Variants in TRHDE observed in about 807,000 individuals in gnomAD.
TRHDE encodes thyrotropin-releasing hormone-degrading ectoenzyme.
A neutral mutation model predicts 125.7 loss-of-function variants in TRHDE; 72 were observed. That is an observed-to-expected ratio of 0.57 (90% CI 0.47 to 0.70). The LOEUF (loss-of-function observed/expected upper bound fraction) is 0.70, where lower values mean the gene tolerates loss of function less well. TRHDE is among the 30% of genes least tolerant of loss of function. The pLI, the probability that TRHDE is intolerant of heterozygous loss-of-function variation, is 0.00. For missense variants in TRHDE, 1,110 were observed against 1,327.1 expected, an observed-to-expected ratio of 0.84 and a Z score of 2.54; for synonymous variants, 509 against 509.1, an observed-to-expected ratio of 1.00 and a Z score of 0.00.
At chr12:72,660,799 C>T (rs1441635893) in intron 18 of TRHDE, among the ~76,000 whole-genome samples, 1 of 152,086 alleles carries the variant, frequency 6.6e-6, no homozygotes, top group Admixed American at 6.6e-5. Flanking sequence ...GGTAGTTCTT[C>T]GCCCACAAAT....
At chr12:72,585,864 T>C (rs1002593452) in intron 12 of TRHDE, among the ~76,000 whole-genome samples, 16 of 152,352 alleles carry the variant, frequency 1.1e-4, no homozygotes, top group Admixed American at 9.1e-4. Flanking sequence ...ATTCTTATTA[T>C]GATTAGTTAA....
intron 2 of TRHDE, among the ~76,000 whole-genome samples, chr12:72,340,154 T>C (rs1870015743): frequency 6.6e-6 from 1 of 152,168 alleles, no homozygotes; most frequent in South Asian, 2.1e-4. Flanking sequence ...GTTGCATAAC[T>C]CACCTGGGAG....
chr12:72,311,074 T>G (rs888127715), intron 2 of TRHDE, among the ~76,000 whole-genome samples: 1 of 152,186 alleles, frequency 6.6e-6, no homozygotes, highest in Non-Finnish European at 1.5e-5. Context: ...CTAAGGATTT[T>G]GACAAATGCA....
chr12:72,395,796 C>T (rs191757937), intron 3 of TRHDE, among the ~76,000 whole-genome samples: 146 of 152,294 alleles, frequency 9.6e-4, no homozygotes, highest in African/African-American at 3.1e-3. Flanking sequence ...AATCATTCTA[C>T]ATTTCTGTAA....
intron 2 of TRHDE, among the ~76,000 whole-genome samples, chr12:72,152,055 A>G (rs1283731967): frequency 4.6e-5 from 7 of 151,810 alleles, no homozygotes; most frequent in African/African-American, 9.7e-5. Context: ...ATTTGTTTGT[A>G]TCCTCTTTTA....
intron 2 of TRHDE, among the ~76,000 whole-genome samples, chr12:72,187,089 C>G (rs1334903849): frequency 6.6e-6 from 1 of 152,066 alleles, no homozygotes; most frequent in Non-Finnish European, 1.5e-5. Context: ...AGAATTTTGA[C>G]ATTCAGTACA....
intron 5 of TRHDE, among the ~76,000 whole-genome samples, chr12:72,477,277 C>A (rs149575425): frequency 6.6e-6 from 1 of 152,070 alleles, no homozygotes; most frequent in African/African-American, 2.4e-5. Context: ...CATTTCCAAC[C>A]CTAGTAATCC....
At chr12:72,146,305 T>A (rs1358890845) in intron 2 of TRHDE, among the ~76,000 whole-genome samples, 2 of 152,206 alleles carry the variant, frequency 1.3e-5, no homozygotes, top group Non-Finnish European at 2.9e-5. Flanking sequence ...TTGCAGAAAC[T>A]CTCTTCTCTA....
intron 12 of TRHDE, among the ~76,000 whole-genome samples, chr12:72,603,323 GGGTGTGTGTGGTGTGTGTT>G (rs1366920925): frequency 6.6e-6 from 1 of 152,008 alleles, no homozygotes; most frequent in Non-Finnish European, 1.5e-5. Flanking sequence ...GTGTGTTGGC[GGGTGTGTGTGGTGTGTGTT>G]GGTGTGCTCG....
intron 12 of TRHDE, among the ~76,000 whole-genome samples, chr12:72,593,683 C>G (rs1052246801): frequency 1.3e-5 from 2 of 151,870 alleles, no homozygotes; most frequent in Non-Finnish European, 2.9e-5. Context: ...ACCCTGCTGA[C>G]AGGCCCTGTG....
At chr12:72,296,290 A>G (rs1260076611) in intron 2 of TRHDE, among the ~76,000 whole-genome samples, 1 of 152,246 alleles carries the variant, frequency 6.6e-6, no homozygotes, top group East Asian at 1.9e-4. Flanking sequence ...TGAAATAAAA[A>G]TAGAAAATGT....
chr12:72,342,328 A>G (rs981786186), intron 2 of TRHDE, among the ~76,000 whole-genome samples: 7 of 152,146 alleles, frequency 4.6e-5, no homozygotes, highest in African/African-American at 1.7e-4. Context: ...GTTCTCGTCT[A>G]ATCATTTCTT....
At chr12:72,195,211 A>C (rs552442337) in intron 2 of TRHDE, among the ~76,000 whole-genome samples, 1 of 152,240 alleles carries the variant, frequency 6.6e-6, no homozygotes, top group East Asian at 1.9e-4. Context: ...CCATCCCACG[A>C]CACGCGGGGA....
chr12:72,306,078 C>A (rs965306488), intron 2 of TRHDE, among the ~76,000 whole-genome samples: 1 of 152,210 alleles, frequency 6.6e-6, no homozygotes, highest in Non-Finnish European at 1.5e-5. Context: ...CTTTTCCCCT[C>A]TGCTGCCTTA....
At position 72,529,171 on chromosome 12, in the gene TRHDE, A is replaced by T. The variant is rs533867803; in HGVS notation, c.1723-13120A>T. The stretch of plus-strand genomic sequence containing the variant: ...TTAAGCCAAGAAGAGTAAGAAATTT[A>T]TATAAAATATGACTGAACTAAATGA... On this transcript the variant is annotated intron_variant, in intron 6 of 18. Coordinates refer to ENST00000261180, the MANE Select transcript of TRHDE (RefSeq NM_013381.3). 2.0e-5 allele frequency among the ~76,000 whole-genome samples: 3 copies of T among 152,290 alleles called. No homozygotes were observed. In the East Asian group the frequency reaches 5.8e-4, roughly 29 times the overall value.
intron 2 of TRHDE, among the ~76,000 whole-genome samples, chr12:72,312,434 A>G (rs944415568): frequency 1.3e-5 from 2 of 152,224 alleles, no homozygotes; most frequent in African/African-American, 4.8e-5. Context: ...CATTTCCTGT[A>G]AAGTAATGAC....
chr12:72,385,988 C>T (rs943513537), intron 3 of TRHDE, among the ~76,000 whole-genome samples: 2 of 152,146 alleles, frequency 1.3e-5, no homozygotes, highest in African/African-American at 4.8e-5. Context: ...TGAGTAGTAA[C>T]TACGTGTACA....
At chr12:72,487,200 G>C (rs1188397735) in intron 5 of TRHDE, among the ~76,000 whole-genome samples, 6 of 152,042 alleles carry the variant, frequency 3.9e-5, no homozygotes, top group African/African-American at 1.4e-4. Context: ...CAGAGGAAAA[G>C]AGACAGAAAA....
At chr12:72,231,505 A>G (rs1484238942) in intron 2 of TRHDE, among the ~76,000 whole-genome samples, 1 of 152,208 alleles carries the variant, frequency 6.6e-6, no homozygotes, top group African/African-American at 2.4e-5. Context: ...GTGGCCCATG[A>G]GGCCATTACC....
Sources: gnomAD v4.1 joint callset for allele counts (sites outside exome capture counted in the v4.1 genomes callset) on GRCh38, gnomAD v4.1.1 for gene constraint, MANE v1.5 for transcripts, NCBI Gene and HGNC (gene_info 2026-07-23, HGNC 2026-07-21) for gene names.